The following WLS variants were observed in gnomAD, a reference collection of about 807,000 sequenced individuals.
WLS encodes protein wntless homolog.
WLS carries 23 observed loss-of-function variants against 62.8 expected under a neutral mutation model. That is an observed-to-expected ratio of 0.37 (90% CI 0.26 to 0.52). The LOEUF is 0.52. WLS is among the 20% of genes least tolerant of loss of function. The probability of loss-of-function intolerance (pLI) is 0.92; values close to 1 mark genes in which losing one functional copy is unlikely to be tolerated. For synonymous variants in WLS, 246 were observed against 244.1 expected, an observed-to-expected ratio of 1.01 and a Z score of -0.07; for missense variants, 615 against 697.3, an observed-to-expected ratio of 0.88 and a Z score of 1.33.
chr1:68,138,153 T>C (rs1345797845), intron 10 of WLS: 7 of 565,222 alleles, frequency 1.2e-5, no homozygotes, highest in African/African-American at 7.5e-5. Context: ...CAGTGGTCCT[T>C]ACCTTGCCCA....
intron 8 of WLS, among the ~76,000 whole-genome samples, chr1:68,146,590 G>C (rs909194538): frequency 5.9e-5 from 9 of 152,140 alleles, no homozygotes; most frequent in Non-Finnish European, 8.8e-5. Context: ...GGAGATACGT[G>C]GGGGCTCAGT....
At chr1:68,142,136 G>T (rs572462622) in intron 10 of WLS, among the ~76,000 whole-genome samples, 6 of 152,302 alleles carry the variant, frequency 3.9e-5, no homozygotes, top group Non-Finnish European at 8.8e-5. Context: ...CATGTACAAG[G>T]TTAAATCCTG....
At chr1:68,176,364 T>C (rs2820498) in intron 2 of WLS, 127,235 of 151,458 alleles carry the variant, frequency 0.84, 53,889 homozygotes, top group Middle Eastern at 0.93. Flanking sequence ...CCCAGCTTGA[T>C]GACTTCTCCC....
intron 1 of WLS, among the ~76,000 whole-genome samples, chr1:68,210,958 C>A (rs1161721260): frequency 6.6e-6 from 1 of 152,070 alleles, no homozygotes; most frequent in Admixed American, 6.5e-5. Context: ...GTCTTCCAAC[C>A]CTCAGACACT....
intron 11 of WLS, among the ~76,000 whole-genome samples, chr1:68,101,986 G>A (rs542600823): frequency 2.0e-5 from 3 of 152,320 alleles, no homozygotes; most frequent in East Asian, 3.9e-4. Flanking sequence ...TTTGAACTAT[G>A]TGTGTAGGTG....
intron 1 of WLS, among the ~76,000 whole-genome samples, chr1:68,224,985 C>T (rs1275734440): frequency 2.0e-5 from 3 of 152,130 alleles, no homozygotes; most frequent in East Asian, 1.9e-4. Flanking sequence ...ACTATCTCTG[C>T]AACCTCAAAA....
At chr1:68,172,550 A>G (rs1570946179) in intron 2 of WLS, among the ~76,000 whole-genome samples, 2 of 152,214 alleles carry the variant, frequency 1.3e-5, no homozygotes, top group South Asian at 2.1e-4. Flanking sequence ...GAAGGCAGGT[A>G]TATAAATAAG....
intron 2 of WLS, among the ~76,000 whole-genome samples, chr1:68,184,923 G>A (rs1647823917): frequency 6.7e-6 from 1 of 148,436 alleles, no homozygotes; most frequent in African/African-American, 2.5e-5. Flanking sequence ...AACTCCGAGT[G>A]AGGGGAAAAA....
chr1:68,130,336 T>TAACA (rs1646500380), intron 11 of WLS, among the ~76,000 whole-genome samples: 1 of 152,104 alleles, frequency 6.6e-6, no homozygotes, highest in Admixed American at 6.5e-5. Context: ...CAATGCAAAT[T>TAACA]AACACCCCAC....
intron 11 of WLS, among the ~76,000 whole-genome samples, chr1:68,116,647 C>G (rs1045098995): frequency 6.6e-6 from 1 of 152,196 alleles, no homozygotes; most frequent in Admixed American, 6.5e-5. Context: ...AGCAGGGATT[C>G]TACATGCTAG....
At chr1:68,219,755 T>C (rs1649870404) in intron 1 of WLS, among the ~76,000 whole-genome samples, 1 of 152,214 alleles carries the variant, frequency 6.6e-6, no homozygotes, top group South Asian at 2.1e-4. Flanking sequence ...ATTTTTTGTT[T>C]AAAATTTCTT....
chr1:68,109,509 CA>C (rs1337569283), intron 11 of WLS, among the ~76,000 whole-genome samples: 1 of 151,826 alleles, frequency 6.6e-6, no homozygotes, highest in Non-Finnish European at 1.5e-5. Flanking sequence ...AAAATTCATT[CA>C]AAAAATATGA....
intron 11 of WLS, among the ~76,000 whole-genome samples, chr1:68,101,758 G>A (rs11580462): frequency 0.47 from 71,229 of 152,076 alleles, 17,292 homozygotes; most frequent in East Asian, 0.72. Context: ...GAAAGTTCAG[G>A]AAGACTGGCT....
At chr1:68,121,432 G>A (rs894374014), downstream of WLS, among the ~76,000 whole-genome samples, 2 of 152,176 alleles carry the variant, frequency 1.3e-5, no homozygotes, top group African/African-American at 4.8e-5. Context: ...TTCCCTGAGA[G>A]ATCAGTGTGT....
intron 11 of WLS, among the ~76,000 whole-genome samples, chr1:68,130,179 T>A (rs1485742064): frequency 1.3e-5 from 2 of 152,202 alleles, no homozygotes; most frequent in African/African-American, 4.8e-5. Context: ...TAATGACAAT[T>A]GTTTGTGTAT....
At chr1:68,202,093 C>T (rs568617669) in intron 1 of WLS, 1 of 152,320 alleles carries the variant, frequency 6.6e-6, no homozygotes, top group South Asian at 2.1e-4. Flanking sequence ...ACAAGCGCCA[C>T]TTGGCTTACA....
chr1:68,136,174 C>T (rs779755079), intron 11 of WLS, among the ~76,000 whole-genome samples: 2 of 152,196 alleles, frequency 1.3e-5, no homozygotes, highest in Non-Finnish European at 2.9e-5. Context: ...ATGCCTTCCT[C>T]TCCTGCTCCA....
At chr1:68,192,768 T>TAA (rs1298320437) in intron 2 of WLS, among the ~76,000 whole-genome samples, 196 of 11,352 alleles carry the variant, frequency 0.017, 2 homozygotes, top group South Asian at 0.029. Context: ...CTCTGTCTCT[T>TAA]AAAAAAAAAA....
At chr1:68,210,459 A>C (rs187092978) in intron 1 of WLS, among the ~76,000 whole-genome samples, 6 of 152,366 alleles carry the variant, frequency 3.9e-5, no homozygotes, top group Non-Finnish European at 4.4e-5. Flanking sequence ...CATGGAAGCC[A>C]GTTTTCCACT....
Sources: gnomAD v4.1 joint callset for allele counts (sites outside exome capture counted in the v4.1 genomes callset) on GRCh38, gnomAD v4.1.1 for gene constraint, MANE v1.5 for transcripts, NCBI Gene and HGNC (gene_info 2026-07-23, HGNC 2026-07-21) for gene names.